Variants in ST8SIA1 observed in about 807,000 individuals in gnomAD.
ST8SIA1 encodes the protein ST8 alpha-N-acetyl-neuraminide alpha-2,8-sialyltransferase 1, also known as alpha-N-acetylneuraminide alpha-2,8-sialyltransferase.
ST8SIA1 carries 16 observed loss-of-function variants against 35.9 expected under a neutral mutation model. The ratio of observed to expected loss-of-function variants is 0.45; its 90% CI spans 0.30 to 0.68. ST8SIA1 has a LOEUF of 0.68. Ranked by LOEUF, ST8SIA1 falls within the 30% of genes least tolerant of loss-of-function variation. ST8SIA1 has a pLI of 0.09. For synonymous variants in ST8SIA1, 170 were observed against 169.6 expected (o/e 1.00, Z -0.02); for missense variants, 383 against 453.6 (o/e 0.84, Z 1.41).
Position 22,197,103 on chromosome 12 carries a change from A to C in ST8SIA1, c.*4449T>G, listed in dbSNP as rs1864998198. On this transcript the variant is annotated 3_prime_UTR_variant, in exon 5 of 5. Coordinates refer to ENST00000396037, the MANE Select transcript of ST8SIA1 (RefSeq NM_003034.4). ...CTGACTTTATTAGAGGTTTTGACCT[A>C]GGTTGCCAGGCCTTGAAATTGTTAA... 1 of 152,228 alleles carries C rather than the reference A, an allele frequency of 6.6e-6. No homozygotes were observed. Among genetic ancestry groups the C allele is most frequent in the Non-Finnish European group, 1.5e-5 (1 of 68,062 alleles). 9.4% of individuals were successfully genotyped at this position (152,228 alleles called of 1,614,324 possible).
intron 3 of ST8SIA1, 65 bp from the exon 4 acceptor site, chr12:22,249,163 T>C (rs1442149914): frequency 4.8e-6 from 5 of 1,035,468 alleles, no homozygotes; most frequent in East Asian, 2.4e-5. Context: ...GTTAGAATAA[T>C]ACAAATAGAA....
chr12:22,297,247 T>G lies in ST8SIA1; in HGVS notation c.237-9954A>C, dbSNP rs371959672. 7.2e-5 allele frequency among the ~76,000 whole-genome samples: 11 copies of G among 151,738 alleles called. No individual in the cohort carries two copies. The East Asian group carries it at 1.4e-3, about 19-fold the overall frequency. On this transcript the variant is annotated intron_variant, in intron 1 of 4. Coordinates refer to ENST00000396037, the MANE Select transcript of ST8SIA1 (RefSeq NM_003034.4). ...TTATAAATTTCTGAATTATACAGAT[T>G]TTTTAAGTCAGGGAACTGAACCAGC...
chr12:22,232,411 C>T (rs1865430698), intron 4 of ST8SIA1, among the ~76,000 whole-genome samples: 1 of 152,080 alleles, frequency 6.6e-6, no homozygotes, highest in African/African-American at 2.4e-5. Context: ...GGTTTTTGAG[C>T]TGAGCAAATG....
At chr12:22,287,048 C>A in intron 2 of ST8SIA1, 101 bp downstream of exon 2, 1 of 1,138,646 alleles carries the variant, frequency 8.8e-7, no homozygotes, top group South Asian at 1.8e-5. Flanking sequence ...AGAAAGAAAA[C>A]AAAAAGTCAA....
intron 4 of ST8SIA1, among the ~76,000 whole-genome samples, chr12:22,225,911 C>T (rs1029582633): frequency 2.6e-5 from 4 of 152,116 alleles, no homozygotes; most frequent in South Asian, 2.1e-4. Flanking sequence ...GCCGTGGGGG[C>T]GGCACTTACA....
At chr12:22,317,947 T>C (rs1038086900) in intron 1 of ST8SIA1, among the ~76,000 whole-genome samples, 4 of 152,186 alleles carry the variant, frequency 2.6e-5, no homozygotes, top group African/African-American at 9.7e-5. Context: ...TCTCAGTTTG[T>C]TGGAAATAGT....
chr12:22,299,412 A>C (rs960508308), intron 1 of ST8SIA1, among the ~76,000 whole-genome samples: 1 of 152,142 alleles, frequency 6.6e-6, no homozygotes, highest in African/African-American at 2.4e-5. Flanking sequence ...TTATATAGTA[A>C]ATTTAGTCTT....
At chr12:22,325,806 T>C in intron 1 of ST8SIA1, 1 of 699,540 alleles carries the variant, frequency 1.4e-6, no homozygotes, top group Non-Finnish European at 2.6e-6. Flanking sequence ...ACCTGCATCA[T>C]CAGTCTTGCA....
chr12:22,275,457 G>A (rs1865958128), intron 2 of ST8SIA1, among the ~76,000 whole-genome samples: 1 of 152,146 alleles, frequency 6.6e-6, no homozygotes, highest in Admixed American at 6.5e-5. Flanking sequence ...CGGAGGCTGA[G>A]GCAGGAGAAT....
intron 4 of ST8SIA1, among the ~76,000 whole-genome samples, chr12:22,214,648 C>T (rs1249190652): frequency 6.7e-6 from 1 of 149,468 alleles, no homozygotes; most frequent in Non-Finnish European, 1.5e-5. Context: ...AATCCCAAAT[C>T]CTTTTGGAGC....
At position 22,312,726 on chromosome 12, in the gene ST8SIA1, AAAC is replaced by A. The variant is rs1866467069; in HGVS notation, c.236+21268_236+21270del. On this transcript the variant is annotated intron_variant, in intron 1 of 4. Coordinates refer to ENST00000396037, the MANE Select transcript of ST8SIA1 (RefSeq NM_003034.4). ...CGTCACGGAAATGAAAAAAAAAAAA[AAAC>A]AATAAATTTGTAAAAATAATTTGGT... 2.0e-5 allele frequency among the ~76,000 whole-genome samples: 3 copies of A among 151,826 alleles called. No homozygotes were observed. In the South Asian group the frequency reaches 6.2e-4, roughly 31 times the overall value.
chr12:22,267,633 C>T (rs888428304), intron 2 of ST8SIA1, among the ~76,000 whole-genome samples: 2 of 152,190 alleles, frequency 1.3e-5, no homozygotes, highest in Non-Finnish European at 2.9e-5. Flanking sequence ...TCACACATTC[C>T]TACCTTTACT....
At chr12:22,309,316 T>C (rs554425888) in intron 1 of ST8SIA1, among the ~76,000 whole-genome samples, 3 of 152,166 alleles carry the variant, frequency 2.0e-5, no homozygotes, top group Non-Finnish European at 4.4e-5. Flanking sequence ...AACATCCATC[T>C]GACGCTGCCC....
rs369450635 is a variant in ST8SIA1, at chr12:22,226,988, C to A, written c.584+22018G>T. Among the ~76,000 whole-genome samples, 13 of 152,066 alleles carry A rather than the reference C, an allele frequency of 8.5e-5. No homozygotes were observed. The East Asian group carries it at 1.8e-3, about 21-fold the overall frequency. ...TTTGAGATGGAGTCTGGCTCTGTTG[C>A]CAGGCTGGAGTGCAGTGGCATGATC... On this transcript the variant is annotated intron_variant, in intron 4 of 4. Coordinates refer to ENST00000396037, the MANE Select transcript of ST8SIA1 (RefSeq NM_003034.4).
intron 2 of ST8SIA1, among the ~76,000 whole-genome samples, chr12:22,271,692 G>A (rs765647600): frequency 6.6e-6 from 1 of 152,138 alleles, no homozygotes; most frequent in Non-Finnish European, 1.5e-5. Context: ...ATACGAGAGC[G>A]CCAATCATCA....
At chr12:22,301,754 G>A (rs1020942901) in intron 1 of ST8SIA1, among the ~76,000 whole-genome samples, 1 of 152,152 alleles carries the variant, frequency 6.6e-6, no homozygotes, top group African/African-American at 2.4e-5. Flanking sequence ...TGCAGTTCCT[G>A]TACAGGGTTC....
Position 22,204,062 on chromosome 12 carries a change from C to T in ST8SIA1, c.585-2024G>A, listed in dbSNP as rs143457868. ...TCTCTCACCACCTTTTTCTTTACAT[C>T]TTCTAATCACATCCTTGCTGCCATT... On this transcript the variant is annotated intron_variant, in intron 4 of 4. Transcript: ENST00000396037. Among the ~76,000 whole-genome samples the T allele has an allele frequency of 8.1e-3, 1,227 of 152,186 alleles. 18 individuals carry two copies. Among genetic ancestry groups the T allele is most frequent in the African/African-American group, 0.028 (1,183 of 41,538 alleles).
At position 22,273,141 on chromosome 12, in the gene ST8SIA1, C is replaced by T. The variant is rs143673688; in HGVS notation, c.381+14008G>A. On this transcript the variant is annotated intron_variant, in intron 2 of 4. Transcript: ENST00000396037. ...CTAGATAGACACGGGCAGGTCCTGG[C>T]GAAACCCCACCTCCAAGTTGCAGAC... 4.2e-3 allele frequency among the ~76,000 whole-genome samples: 645 copies of T among 152,224 alleles called. 3 individuals carry two copies. Among genetic ancestry groups the T allele is most frequent in the Middle Eastern group, 0.014 (4 of 294 alleles).
At chr12:22,328,492 T>C (rs116108327) in intron 1 of ST8SIA1, among the ~76,000 whole-genome samples, 60 of 152,156 alleles carry the variant, frequency 3.9e-4, no homozygotes, top group African/African-American at 1.4e-3. Context: ...GTTATTTGTA[T>C]ATTTCTCTGT....
Sources: allele counts gnomAD v4.1 joint callset (sites outside exome capture counted in the v4.1 genomes callset), GRCh38; gene constraint gnomAD v4.1.1; transcripts MANE v1.5; gene names NCBI Gene and HGNC (gene_info 2026-07-23, HGNC 2026-07-21).